CCDC73: variants seen among roughly 807,000 people sequenced by gnomAD.
CCDC73 encodes the protein coiled-coil domain-containing protein 73.
Under a neutral mutation model 116.5 loss-of-function variants are expected in CCDC73, and 95 were observed. That is an observed-to-expected ratio of 0.82 (90% CI 0.69 to 0.97). The LOEUF (loss-of-function observed/expected upper bound fraction) is 0.97, where lower values mean the gene tolerates loss of function less well. Among genes scored for constraint, CCDC73 ranks in the 50% least tolerant of loss-of-function variants. CCDC73 has a pLI of 0.00. For synonymous variants in CCDC73, 398 were observed against 401.3 expected (o/e 0.99, Z 0.10); for missense variants, 1,066 against 1,206.8 (o/e 0.88, Z 1.73).
At chr11:32,775,244 T>C (rs572628159) in intron 1 of CCDC73, among the ~76,000 whole-genome samples, 1 of 152,300 alleles carries the variant, frequency 6.6e-6, no homozygotes, top group South Asian at 2.1e-4. Context: ...AATAAATCTT[T>C]CAGTTCAAAA....
At chr11:32,635,181 A>AG (rs1554962117) in intron 14 of CCDC73, among the ~76,000 whole-genome samples, 1 of 151,958 alleles carries the variant, frequency 6.6e-6, no homozygotes, top group Non-Finnish European at 1.5e-5. Context: ...GCCAAATAAA[A>AG]CCCACAGACT....
At chr11:32,701,049 G>A (rs917041639) in intron 4 of CCDC73, among the ~76,000 whole-genome samples, 1 of 152,040 alleles carries the variant, frequency 6.6e-6, no homozygotes, top group Admixed American at 6.6e-5. Flanking sequence ...TTGAGATGAG[G>A]TCTTGCTATG....
chr11:32,735,088 C>T (rs1309254982), intron 2 of CCDC73, among the ~76,000 whole-genome samples: 2 of 152,186 alleles, frequency 1.3e-5, no homozygotes, highest in Non-Finnish European at 2.9e-5. Flanking sequence ...AAACTGAAAG[C>T]ATTCCCTTTG....
chr11:32,810,357 A>G, the CCDC73 span, among the ~76,000 whole-genome samples: 1 of 152,166 alleles, frequency 6.6e-6, no homozygotes, highest in Non-Finnish European at 1.5e-5. Flanking sequence ...TTTGGTTGAG[A>G]GACTCTCTAA....
chr11:32,801,403 G>C, the CCDC73 span, among the ~76,000 whole-genome samples: 1 of 152,170 alleles, frequency 6.6e-6, no homozygotes, highest in African/African-American at 2.4e-5. Context: ...AGCATTTTGG[G>C]AGGCCAAGGC....
intron 2 of CCDC73, among the ~76,000 whole-genome samples, chr11:32,736,538 T>C (rs555887690): frequency 8.6e-5 from 13 of 151,970 alleles, no homozygotes; most frequent in Middle Eastern, 3.2e-3. Flanking sequence ...CGTGGAGAAA[T>C]AGGAACACTT....
At chr11:32,660,333 C>A (rs1179124843) in intron 9 of CCDC73, among the ~76,000 whole-genome samples, 1 of 151,252 alleles carries the variant, frequency 6.6e-6, no homozygotes, top group Non-Finnish European at 1.5e-5. Context: ...TCCAGGGCTG[C>A]TAACAGAGAA....
Position 32,642,840 on chromosome 11 carries a change from A to G in CCDC73, c.940-758T>C, listed in dbSNP as rs114885495. On this transcript the variant is annotated intron_variant, in intron 12 of 17. Transcript: ENST00000335185. ...TTACAAAGCTATGCACATTCAGGTT[A>G]AAAATGTCAAGCCACACAAAAGGAT... 7.3e-3 allele frequency among the ~76,000 whole-genome samples: 1,117 copies of G among 152,072 alleles called. 17 individuals are homozygous for G. The highest frequency in any genetic ancestry group is 0.026 in the African/African-American group (1,076 of 41,556).
chr11:32,823,193 G>A, the CCDC73 span, among the ~76,000 whole-genome samples: 2 of 152,322 alleles, frequency 1.3e-5, no homozygotes, highest in Admixed American at 1.3e-4. Flanking sequence ...TTGAAGATAG[G>A]CTGGGCATGG....
chr11:32,650,077 C>T (rs1048163292), intron 12 of CCDC73, among the ~76,000 whole-genome samples: 7 of 152,104 alleles, frequency 4.6e-5, no homozygotes, highest in African/African-American at 1.7e-4. Context: ...TTTATAGTCA[C>T]CATTAACTCA....
chr11:32,692,282 A>T (rs1436755275), intron 6 of CCDC73, among the ~76,000 whole-genome samples: 2 of 151,852 alleles, frequency 1.3e-5, no homozygotes, highest in African/African-American at 4.8e-5. Context: ...AACTTTCAGA[A>T]CTTTGCTTTT....
intron 9 of CCDC73, among the ~76,000 whole-genome samples, chr11:32,661,574 T>C (rs972658195): frequency 6.6e-6 from 1 of 151,936 alleles, no homozygotes; most frequent in Non-Finnish European, 1.5e-5. Flanking sequence ...CTTGCAATAG[T>C]TTGCTGAGAA....
chr11:32,827,054 C>T, the CCDC73 span, among the ~76,000 whole-genome samples: 1 of 151,806 alleles, frequency 6.6e-6, no homozygotes, highest in Admixed American at 6.6e-5. Flanking sequence ...TTAGTAGAGA[C>T]GGGGTTTCAC....
intron 1 of CCDC73, among the ~76,000 whole-genome samples, chr11:32,779,709 A>AGCGTCTTTGTAATT (rs2133395214): frequency 6.6e-6 from 1 of 152,318 alleles, no homozygotes; most frequent in African/African-American, 2.4e-5. Flanking sequence ...CGCACAGTTC[A>AGCGTCTTTGTAATT]ACAAGAGTAA....
intron 2 of CCDC73, among the ~76,000 whole-genome samples, chr11:32,734,070 T>G (rs959573390): frequency 7.2e-5 from 11 of 152,098 alleles, no homozygotes; most frequent in African/African-American, 2.7e-4. Context: ...ATAGTCGCAA[T>G]AAAACATGAT....
At chr11:32,742,965 T>C (rs914185314) in intron 2 of CCDC73, among the ~76,000 whole-genome samples, 2 of 152,200 alleles carry the variant, frequency 1.3e-5, no homozygotes, top group Non-Finnish European at 2.9e-5. Context: ...CAGATGGTGG[T>C]AGATGTGTGG....
At chr11:32,727,298 T>TATC (rs1850036608) in intron 2 of CCDC73, among the ~76,000 whole-genome samples, 1 of 152,210 alleles carries the variant, frequency 6.6e-6, no homozygotes, top group African/African-American at 2.4e-5. Context: ...GTCTTCCAGG[T>TATC]ATCTCCACTG....
intron 3 of CCDC73, among the ~76,000 whole-genome samples, chr11:32,708,908 T>C (rs187678348): frequency 2.6e-5 from 4 of 152,328 alleles, no homozygotes; most frequent in African/African-American, 9.6e-5. Flanking sequence ...TTTCTTTCTT[T>C]TGTCTGATTG....
chr11:32,618,930 TA>T (rs1211310620), intron 14 of CCDC73, among the ~76,000 whole-genome samples: 1 of 152,152 alleles, frequency 6.6e-6, no homozygotes, highest in Non-Finnish European at 1.5e-5. Flanking sequence ...CTCTGATGAT[TA>T]GTGATGTTGA....
Sources: allele counts gnomAD v4.1 joint callset (sites outside exome capture counted in the v4.1 genomes callset), GRCh38; gene constraint gnomAD v4.1.1; transcripts MANE v1.5; gene names NCBI Gene and HGNC (gene_info 2026-07-23, HGNC 2026-07-21).